The following NEDD4 variants were observed in gnomAD, a reference collection of about 807,000 sequenced individuals.
The protein encoded by NEDD4 is NEDD4 E3 ubiquitin protein ligase, also known as E3 ubiquitin-protein ligase NEDD4.
In NEDD4, 99 loss-of-function variants were observed where a neutral mutation model predicts 144.9. The ratio of observed to expected loss-of-function variants is 0.68; its 90% confidence interval spans 0.58 to 0.81. NEDD4 has a LOEUF of 0.81. Among genes scored for constraint, NEDD4 ranks in the 30% least tolerant of loss-of-function variants. The pLI, the probability that NEDD4 is intolerant of heterozygous loss-of-function variation, is 0.00. For synonymous variants in NEDD4, 318 were observed against 350.6 expected (o/e 0.91, Z 1.04); for missense variants, 985 against 1,065.9 (o/e 0.92, Z 1.06).
intron 1 of NEDD4, among the ~76,000 whole-genome samples, chr15:55,975,192 C>T (rs763822172): frequency 5.9e-5 from 9 of 151,936 alleles, no homozygotes; most frequent in South Asian, 2.1e-4. Context: ...TGTGCCCGGC[C>T]GCCCACTTTT....
chr15:55,935,654 T>C (rs62045164), intron 4 of NEDD4, among the ~76,000 whole-genome samples: 12,441 of 152,024 alleles, frequency 0.082, 620 homozygotes, highest in Middle Eastern at 0.16. Context: ...GAGACCATCC[T>C]GGCTAACACA....
At chr15:55,947,322 G>C (rs1292128802) in intron 4 of NEDD4, among the ~76,000 whole-genome samples, 3 of 151,894 alleles carry the variant, frequency 2.0e-5, no homozygotes, top group African/African-American at 7.3e-5. Context: ...ATGATAAAGG[G>C]GATATCACCA....
chr15:55,930,683 A>G (rs2036762064), intron 4 of NEDD4, among the ~76,000 whole-genome samples: 1 of 152,224 alleles, frequency 6.6e-6, no homozygotes, highest in African/African-American at 2.4e-5. Flanking sequence ...CGGCAGGGCT[A>G]GGTGGAGATA....
chr15:55,855,295 G>C (rs1449907851), intron 12 of NEDD4, among the ~76,000 whole-genome samples: 1 of 152,152 alleles, frequency 6.6e-6, no homozygotes, highest in Non-Finnish European at 1.5e-5. Flanking sequence ...CAAAGTTCCA[G>C]ATGGTTGGGG....
At chr15:55,965,913 A>C (rs1477428315) in intron 2 of NEDD4, among the ~76,000 whole-genome samples, 10 of 151,950 alleles carry the variant, frequency 6.6e-5, no homozygotes, top group African/African-American at 1.7e-4. Flanking sequence ...CGGCCTCCCA[A>C]ATTACTAAGA....
intron 5 of NEDD4, among the ~76,000 whole-genome samples, chr15:55,880,633 T>C (rs1566929298): frequency 6.6e-6 from 1 of 152,074 alleles, no homozygotes; most frequent in African/African-American, 2.4e-5. Context: ...TGCCGTGATA[T>C]GGAAGATGCA....
At chr15:55,955,518 T>G (rs1415221928) in intron 2 of NEDD4, among the ~76,000 whole-genome samples, 2 of 152,166 alleles carry the variant, frequency 1.3e-5, no homozygotes. Context: ...CACTCTTTGA[T>G]TCTATGAATT....
intron 2 of NEDD4, among the ~76,000 whole-genome samples, chr15:55,956,879 T>C (rs1472775632): frequency 6.6e-6 from 1 of 152,212 alleles, no homozygotes; most frequent in Non-Finnish European, 1.5e-5. Context: ...CCAAATCTAA[T>C]CAATTTGGAG....
chr15:55,967,354 T>G (rs1380872845), intron 1 of NEDD4, among the ~76,000 whole-genome samples: 1 of 152,096 alleles, frequency 6.6e-6, no homozygotes, highest in African/African-American at 2.4e-5. Context: ...AAGAGACACA[T>G]ATTGAAGTGC....
intron 11 of NEDD4, among the ~76,000 whole-genome samples, chr15:55,857,897 G>A (rs1343962560): frequency 6.6e-6 from 1 of 152,074 alleles, no homozygotes; most frequent in Non-Finnish European, 1.5e-5. Context: ...CTATGATCAT[G>A]CTACTGCACT....
chr15:55,964,610 T>C (rs1330702537), intron 2 of NEDD4, among the ~76,000 whole-genome samples: 3 of 151,942 alleles, frequency 2.0e-5, no homozygotes, highest in Non-Finnish European at 1.5e-5. Flanking sequence ...CCTGGACATA[T>C]ATTATAAATG....
At position 55,841,918 on chromosome 15, in the gene NEDD4, T is replaced by G. The variant is rs376127769; in HGVS notation, c.1838+16A>C. 5.1e-5 allele frequency: 81 copies of G among 1,586,282 alleles called. No homozygotes were observed. Among genetic ancestry groups the G allele is most frequent in the Non-Finnish European group, 6.9e-5 (80 of 1,154,812 alleles). On this transcript the variant is annotated intron_variant, in intron 19 of 28. Transcript: ENST00000435532. ...ATTTTTCTTTTTCTGCCGATAATCATTGTAAAGGTACTTACGTAGCAGAAT... is the reference window on the plus strand; with the variant it reads ...ATTTTTCTTTTTCTGCCGATAATCAGTGTAAAGGTACTTACGTAGCAGAAT...
chr15:55,897,669 A>T (rs1461062651), intron 5 of NEDD4, among the ~76,000 whole-genome samples: 1 of 152,176 alleles, frequency 6.6e-6, no homozygotes, highest in African/African-American at 2.4e-5. Context: ...ACAGCCTGGT[A>T]AGGTTTGGGC....
intron 23 of NEDD4, 87 bp downstream of exon 23, chr15:55,838,020 G>T: frequency 1.0e-6 from 1 of 961,686 alleles, no homozygotes; most frequent in Non-Finnish European, 1.6e-6. Flanking sequence ...TTCTGGACAA[G>T]GGGACAGAGA....
chr15:55,886,490 G>A (rs1378193598), intron 5 of NEDD4, among the ~76,000 whole-genome samples: 1 of 152,208 alleles, frequency 6.6e-6, no homozygotes, highest in Admixed American at 6.5e-5. Flanking sequence ...AAATGGGCCA[G>A]GCGTGGTTGC....
chr15:55,968,750 C>A (rs540285894), intron 1 of NEDD4, among the ~76,000 whole-genome samples: 1 of 152,132 alleles, frequency 6.6e-6, no homozygotes, highest in South Asian at 2.1e-4. Context: ...AAAATAAAAA[C>A]CCAGGAACTG....
chr15:55,991,977 A>T (rs1258974084), intron 1 of NEDD4: 1 of 152,228 alleles, frequency 6.6e-6, no homozygotes, highest in Non-Finnish European at 1.5e-5. Context: ...AGGCGGTGAG[A>T]TGAGAAATCT....
chr15:55,918,585 TAAA>T (rs57813475), intron 5 of NEDD4, among the ~76,000 whole-genome samples: 1 of 148,084 alleles, frequency 6.8e-6, no homozygotes, highest in African/African-American at 2.5e-5. Flanking sequence ...CATACTTTGT[TAAA>T]AAAAAAAAAC....
chr15:55,916,893 C>A (rs1236052890), intron 5 of NEDD4: 1 of 1,531,512 alleles, frequency 6.5e-7, no homozygotes, highest in Non-Finnish European at 8.8e-7. Context: ...TGTCCGTAGA[C>A]AGGCTAGAAG....
Sources: allele counts gnomAD v4.1 joint callset (sites outside exome capture counted in the v4.1 genomes callset), GRCh38; gene constraint gnomAD v4.1.1; transcripts MANE v1.5; gene names NCBI Gene and HGNC (gene_info 2026-07-23, HGNC 2026-07-21).